FRMD4B: variants seen among roughly 807,000 people sequenced by gnomAD.
The protein encoded by FRMD4B is FERM domain containing 4B.
In FRMD4B, 74 loss-of-function variants were observed where a neutral mutation model predicts 141.5. The ratio of observed to expected loss-of-function variants is 0.52; its 90% CI spans 0.43 to 0.63. The LOEUF (loss-of-function observed/expected upper bound fraction) is 0.63. FRMD4B is among the 30% of genes least tolerant of loss of function. The pLI, the probability that FRMD4B is intolerant of heterozygous loss-of-function variation, is 0.00. For synonymous variants in FRMD4B, 506 were observed against 467.9 expected (o/e 1.08, Z -1.05); for missense variants, 1,366 against 1,253.4 (o/e 1.09, Z -1.36).
chr3:69,394,190 GT>G (rs1453126440), intron 2 of FRMD4B, among the ~76,000 whole-genome samples: 1 of 152,208 alleles, frequency 6.6e-6, no homozygotes, highest in Non-Finnish European at 1.5e-5. Flanking sequence ...CCTCTTCCTG[GT>G]TTGGAGGTGG....
chr3:69,389,897 T>C (rs1039650865), upstream of FRMD4B, among the ~76,000 whole-genome samples: 1 of 128,364 alleles, frequency 7.8e-6, no homozygotes, highest in Non-Finnish European at 1.7e-5. Context: ...ATTGTCTTGC[T>C]TTTTCTTTCT....
chr3:69,511,338 T>G (rs1706683184), intron 1 of FRMD4B, among the ~76,000 whole-genome samples: 1 of 152,166 alleles, frequency 6.6e-6, no homozygotes, highest in African/African-American at 2.4e-5. Flanking sequence ...AGGTTGCCTT[T>G]GTTTAAAATG....
intron 1 of FRMD4B, among the ~76,000 whole-genome samples, chr3:69,452,332 T>C (rs1705515479): frequency 6.6e-6 from 1 of 152,210 alleles, no homozygotes; most frequent in Admixed American, 6.5e-5. Context: ...ATCAACAGGA[T>C]TGGCATGCTT....
At chr3:69,334,978 G>A (rs1449393150) in intron 1 of FRMD4B, among the ~76,000 whole-genome samples, 1 of 152,168 alleles carries the variant, frequency 6.6e-6, no homozygotes, top group Non-Finnish European at 1.5e-5. Context: ...ATGTGATGGG[G>A]AGAGTTGTTA....
At chr3:69,395,501 T>C (rs559499512) in intron 2 of FRMD4B, among the ~76,000 whole-genome samples, 1 of 152,278 alleles carries the variant, frequency 6.6e-6, no homozygotes, top group African/African-American at 2.4e-5. Flanking sequence ...CAACAGGTTA[T>C]AAAAATAAAC....
At chr3:69,346,107 C>G (rs1372866238) in intron 1 of FRMD4B, among the ~76,000 whole-genome samples, 1 of 152,032 alleles carries the variant, frequency 6.6e-6, no homozygotes, top group African/African-American at 2.4e-5. Context: ...AAATGGCTAA[C>G]TAGAATAACC....
At chr3:69,227,821 A>C (rs942248100) in intron 7 of FRMD4B, among the ~76,000 whole-genome samples, 5 of 152,276 alleles carry the variant, frequency 3.3e-5, no homozygotes, top group Non-Finnish European at 5.9e-5. Flanking sequence ...AGAACTGTAC[A>C]ACACAAAGAG....
chr3:69,287,111 G>T (rs1050338650), intron 5 of FRMD4B, among the ~76,000 whole-genome samples: 1 of 152,132 alleles, frequency 6.6e-6, no homozygotes, highest in African/African-American at 2.4e-5. Context: ...CCGTAAAAAC[G>T]TTTATAGCAA....
At chr3:69,445,088 G>A (rs1052536032) in intron 1 of FRMD4B, among the ~76,000 whole-genome samples, 2 of 152,242 alleles carry the variant, frequency 1.3e-5, no homozygotes, top group South Asian at 2.1e-4. Flanking sequence ...CTCCCGCTGC[G>A]GTCAGAGTGA....
Position 69,189,970 on chromosome 3 carries a change from T to C in FRMD4B, c.1715-18A>G, listed in dbSNP as rs1359534199. ...TATGTCTTCTGTGAATAAAAATAACTGCCTTTAGTACAATTGTGCATTTAT... is the reference window on the plus strand; with the variant it reads ...TATGTCTTCTGTGAATAAAAATAACCGCCTTTAGTACAATTGTGCATTTAT... On this transcript the variant is annotated intron_variant, in intron 17 of 22. Coordinates refer to ENST00000398540, the MANE Select transcript of FRMD4B (RefSeq NM_015123.3). 29 of 1,490,940 alleles carry C rather than the reference T, an allele frequency of 1.9e-5. No individual in the cohort carries two copies. Among genetic ancestry groups the C allele is most frequent in the Non-Finnish European group, 2.7e-5 (29 of 1,068,796 alleles). The allele number at this position is 1,490,940 out of a possible 1,614,324, so 92.4% of individuals were successfully genotyped here. A position where few individuals can be genotyped will look rare whatever the true frequency, so the allele number is the denominator to read the frequency against.
At chr3:69,436,611 A>G (rs1449225239) in intron 1 of FRMD4B, among the ~76,000 whole-genome samples, 1 of 152,210 alleles carries the variant, frequency 6.6e-6, no homozygotes, top group African/African-American at 2.4e-5. Context: ...AAAAGAATTG[A>G]AAGGAGGGCC....
chr3:69,385,132 G>A (rs1704217255), intron 1 of FRMD4B, among the ~76,000 whole-genome samples: 1 of 152,034 alleles, frequency 6.6e-6, no homozygotes, highest in African/African-American at 2.4e-5. Context: ...TCCTAGTTGA[G>A]CAAAGTTGCT....
intron 1 of FRMD4B, among the ~76,000 whole-genome samples, chr3:69,448,813 A>G (rs1455011297): frequency 6.6e-6 from 1 of 152,258 alleles, no homozygotes; most frequent in Non-Finnish European, 1.5e-5. Context: ...AAAGAAAACT[A>G]TAATATGGTT....
chr3:69,196,232 G>A (rs756488993), intron 14 of FRMD4B, 23 bp downstream of exon 14: 66 of 1,542,986 alleles, frequency 4.3e-5, no homozygotes, highest in Non-Finnish European at 5.4e-5. Context: ...TGGCTTGCAC[G>A]TTCTCTAATC....
rs558396429 is a variant in FRMD4B at position 69,461,833 on chromosome 3, T to C, written c.-128-29072A>G. Among the ~76,000 whole-genome samples, 11 of 152,204 alleles carry C rather than the reference T, an allele frequency of 7.2e-5. No homozygotes were observed. In the South Asian group the frequency reaches 2.3e-3, roughly 32 times the overall value. On this transcript the variant is annotated intron_variant, in intron 1 of 5. Transcript: ENST00000459638. The stretch of plus-strand genomic sequence containing the variant: ...ACGGCCCCAGTTTTTACCTGTTGTC[T>C]CTGAGTAATTAACAGAGTGCCACTT...
intron 2 of FRMD4B, among the ~76,000 whole-genome samples, chr3:69,429,361 T>C (rs1386492791): frequency 6.6e-6 from 1 of 152,246 alleles, no homozygotes; most frequent in Non-Finnish European, 1.5e-5. Flanking sequence ...TTGCCCCTAC[T>C]GGCATTCTCA....
chr3:69,289,015 AAG>A (rs1376882407), intron 4 of FRMD4B, among the ~76,000 whole-genome samples: 2 of 152,354 alleles, frequency 1.3e-5, no homozygotes, highest in African/African-American at 4.8e-5. Flanking sequence ...AAGTTCCAGA[AAG>A]AGAACAAATC....
chr3:69,399,074 T>A (rs1397023829), intron 2 of FRMD4B, among the ~76,000 whole-genome samples: 1 of 152,152 alleles, frequency 6.6e-6, no homozygotes, highest in Non-Finnish European at 1.5e-5. Flanking sequence ...AACAAATAAA[T>A]CTTAAGGGAA....
In FRMD4B at chr3:69,265,254, C is replaced by CAAAAAAAAAAA. The variant is rs1170675639; in HGVS notation, c.502-15166_502-15156dup. ...TGGGCAACACAGCGAGACTCCATCT[C>CAAAAAAAAAAA]AAAAAAAAAAAAAAAATATATATAT... On this transcript the variant is annotated intron_variant, in intron 5 of 22. Transcript: ENST00000398540. 7.1e-4 allele frequency among the ~76,000 whole-genome samples: 6 copies of CAAAAAAAAAAA among 8,416 alleles called. 2 individuals are homozygous for CAAAAAAAAAAA. The highest frequency in any genetic ancestry group is 1.2e-3 in the Non-Finnish European group (6 of 5,174). The allele number at this position is 8,416 out of a possible 152,430, so 5.5% of individuals were successfully genotyped here.
Sources: gnomAD v4.1 joint callset for allele counts (sites outside exome capture counted in the v4.1 genomes callset) on GRCh38, gnomAD v4.1.1 for gene constraint, MANE v1.5 for transcripts, NCBI Gene and HGNC (gene_info 2026-07-23, HGNC 2026-07-21) for gene names.